The following CDH18 variants were observed in gnomAD, a reference collection of about 807,000 sequenced individuals.
CDH18 encodes the protein cadherin 18.
Under a neutral mutation model 67.9 loss-of-function variants are expected in CDH18, and 31 were observed. The ratio of observed to expected loss-of-function variants is 0.46; its 90% confidence interval spans 0.34 to 0.62. CDH18 has a LOEUF of 0.62. Ranked by LOEUF, CDH18 falls within the 20% of genes least tolerant of loss-of-function variation. The pLI is 0.01. For synonymous variants in CDH18, 362 were observed against 347.2 expected, an observed-to-expected ratio of 1.04 and a Z score of -0.48; for missense variants, 890 against 975.5, an observed-to-expected ratio of 0.91 and a Z score of 1.17.
intron 2 of CDH18, among the ~76,000 whole-genome samples, chr5:20,122,907 C>T (rs1748486798): frequency 6.8e-6 from 1 of 147,690 alleles, no homozygotes; most frequent in African/African-American, 2.5e-5. Flanking sequence ...GAAATTATTG[C>T]ATATACTAGT....
Position 20,353,878 on chromosome 5 carries a change from G to A in CDH18, c.-579-98373C>T, listed in dbSNP as rs140198367. The stretch of plus-strand genomic sequence containing the variant: ...TGGAAAGGAAACTAGACAGGTTTCC[G>A]TATACTGGAAGCTAAAGAGTCCCTT... On this transcript the variant is annotated intron_variant, in intron 1 of 14. Transcript: ENST00000507958. Among the ~76,000 whole-genome samples the A allele has an allele frequency of 3.1e-3, 469 of 152,204 alleles. 3 individuals carry two copies. The highest frequency in any genetic ancestry group is 0.01 in the African/African-American group (423 of 41,556).
rs560568662 is a variant in CDH18, at chr5:20,020,128, T to G, written c.-517-28114A>C. Among the ~76,000 whole-genome samples, 9 of 152,276 alleles carry G rather than the reference T, an allele frequency of 5.9e-5. No individual in the cohort carries two copies. In the South Asian group the frequency reaches 1.9e-3, roughly 32 times the overall value. On this transcript the variant is annotated intron_variant, in intron 2 of 14. Transcript: ENST00000507958. ...TCTAGGGTATCTGGTGGAAGAAATT[T>G]CTAAGCAGCAAGGCGTTCAAGAAGT... is the stretch of plus-strand genomic sequence containing the variant.
At chr5:20,467,656 T>C (rs547002950) in intron 1 of CDH18, among the ~76,000 whole-genome samples, 1 of 152,318 alleles carries the variant, frequency 6.6e-6, no homozygotes, top group African/African-American at 2.4e-5. Flanking sequence ...CAACATTAGC[T>C]AACACATATT....
intron 5 of CDH18, among the ~76,000 whole-genome samples, chr5:19,714,465 A>T (rs1433369900): frequency 6.6e-6 from 1 of 151,852 alleles, no homozygotes; most frequent in Non-Finnish European, 1.5e-5. Flanking sequence ...AATCTGCTGC[A>T]GTTCAGGAAC....
At chr5:19,696,287 T>C (rs974256034) in intron 5 of CDH18, among the ~76,000 whole-genome samples, 8 of 151,168 alleles carry the variant, frequency 5.3e-5, no homozygotes, top group Non-Finnish European at 8.8e-5. Flanking sequence ...AGAGTCTTGC[T>C]CTGCTGCCCA....
At chr5:19,675,306 G>C (rs1400956318) in intron 5 of CDH18, among the ~76,000 whole-genome samples, 1 of 151,958 alleles carries the variant, frequency 6.6e-6, no homozygotes, top group African/African-American at 2.4e-5. Context: ...CTGGGTTTGA[G>C]AGCAGACAAC....
intron 1 of CDH18, among the ~76,000 whole-genome samples, chr5:20,468,268 G>A (rs1751803104): frequency 6.6e-6 from 1 of 152,012 alleles, no homozygotes; most frequent in South Asian, 2.1e-4. Flanking sequence ...TGCCTGCCTT[G>A]GCCTCCCAAA....
intron 1 of CDH18, among the ~76,000 whole-genome samples, chr5:20,344,666 C>T (rs1422511908): frequency 1.3e-5 from 2 of 151,970 alleles, no homozygotes; most frequent in East Asian, 3.9e-4. Flanking sequence ...TATCAAAGGA[C>T]CTCAGAAAAA....
chr5:19,542,409 T>A (rs1384689479), intron 9 of CDH18, among the ~76,000 whole-genome samples: 4 of 152,168 alleles, frequency 2.6e-5, no homozygotes, highest in African/African-American at 9.7e-5. Context: ...GCAATTTCAC[T>A]CCTAGGCATA....
Position 19,784,117 on chromosome 5 carries a change from AC to A in CDH18, c.229-36882del, listed in dbSNP as rs536801232. 6.6e-4 allele frequency among the ~76,000 whole-genome samples: 101 copies of A among 152,294 alleles called. 3 individuals are homozygous for A. The South Asian group carries it at 0.021, about 31-fold the overall frequency. On this transcript the variant is annotated intron_variant, in intron 3 of 12. Coordinates refer to ENST00000382275, the MANE Select transcript of CDH18 (RefSeq NM_004934.5). The stretch of plus-strand genomic sequence containing the variant: ...TATGCCATGTGCAAAAAACTGGACA[AC>A]TTTTTGAGCAAAATTGTGCTTTTAG...
At chr5:19,635,904 C>A (rs917026219) in intron 5 of CDH18, among the ~76,000 whole-genome samples, 2 of 152,068 alleles carry the variant, frequency 1.3e-5, no homozygotes, top group East Asian at 3.9e-4. Context: ...AGGAGACATT[C>A]CTGTTAATTT....
rs139498245 is a variant in CDH18, at chr5:20,102,705, A to G, written c.-517-110691T>C. Among the ~76,000 whole-genome samples the G allele has an allele frequency of 4.6e-5, 7 of 152,310 alleles. No individual in the cohort carries two copies. In the East Asian group the frequency reaches 1.4e-3, roughly 29 times the overall value. On this transcript the variant is annotated intron_variant, in intron 2 of 14. Transcript: ENST00000507958. ...ACTAATTCAATCTGTGGGTATTTACAAACTGATAAAGCCAAAACAAAAGAA... is the reference window on the plus strand; with the variant it reads ...ACTAATTCAATCTGTGGGTATTTACGAACTGATAAAGCCAAAACAAAAGAA...
intron 3 of CDH18, among the ~76,000 whole-genome samples, chr5:19,807,601 C>T (rs1778167219): frequency 6.6e-6 from 1 of 152,178 alleles, no homozygotes; most frequent in Non-Finnish European, 1.5e-5. Flanking sequence ...GTACCTGAGT[C>T]TTTGAGCCTT....
At chr5:19,611,589 G>A (rs772479061) in intron 6 of CDH18, among the ~76,000 whole-genome samples, 11 of 152,080 alleles carry the variant, frequency 7.2e-5, no homozygotes, top group Non-Finnish European at 1.5e-4. Context: ...GGCATTTCGC[G>A]CTGATTTGAG....
At chr5:20,032,754 T>C (rs1739513902) in intron 2 of CDH18, among the ~76,000 whole-genome samples, 1 of 152,006 alleles carries the variant, frequency 6.6e-6, no homozygotes, top group African/African-American at 2.4e-5. Context: ...TGGTGAGTAG[T>C]TTCTCTCATT....
chr5:19,636,383 G>T (rs558240409), intron 5 of CDH18, among the ~76,000 whole-genome samples: 9 of 151,758 alleles, frequency 5.9e-5, no homozygotes, highest in Non-Finnish European at 1.2e-4. Flanking sequence ...GCATCAAAAC[G>T]TTTTTTCCAA....
chr5:20,410,598 AAGG>A (rs1313504172), intron 1 of CDH18, among the ~76,000 whole-genome samples: 1 of 151,626 alleles, frequency 6.6e-6, no homozygotes, highest in African/African-American at 2.4e-5. Flanking sequence ...GAAACATGAG[AAGG>A]ATGTCCATTC....
intron 11 of CDH18, among the ~76,000 whole-genome samples, chr5:19,502,269 T>C (rs1743374437): frequency 6.6e-6 from 1 of 152,146 alleles, no homozygotes; most frequent in African/African-American, 2.4e-5. Flanking sequence ...TAATCAAATA[T>C]ATAGTTTGGA....
chr5:20,148,687 G>A (rs186236704), intron 2 of CDH18, among the ~76,000 whole-genome samples: 1 of 152,180 alleles, frequency 6.6e-6, no homozygotes, highest in East Asian at 1.9e-4. Context: ...TTAGTCCATA[G>A]AAGTGGGTCT....
Sources: allele counts gnomAD v4.1 joint callset (sites outside exome capture counted in the v4.1 genomes callset), GRCh38; gene constraint gnomAD v4.1.1; transcripts MANE v1.5; gene names NCBI Gene and HGNC (gene_info 2026-07-23, HGNC 2026-07-21).